ATP8A2: variants seen among roughly 807,000 people sequenced by gnomAD.
The protein encoded by ATP8A2 is ATPase phospholipid transporting 8A2.
Under a neutral mutation model 165.6 loss-of-function variants are expected in ATP8A2, and 100 were observed. That is an observed-to-expected ratio of 0.60 (90% CI 0.51 to 0.71). The LOEUF is 0.71. Ranked by LOEUF, ATP8A2 falls within the 30% of genes least tolerant of loss-of-function variation. The probability of loss-of-function intolerance (pLI) is 0.00; values close to 1 mark genes in which losing one functional copy is unlikely to be tolerated. For synonymous variants in ATP8A2, 543 were observed against 548.8 expected, an observed-to-expected ratio of 0.99 and a Z score of 0.15; for missense variants, 1,227 against 1,479.5, an observed-to-expected ratio of 0.83 and a Z score of 2.80.
At chr13:25,456,960 A>T (rs1184236131) in intron 1 of ATP8A2, among the ~76,000 whole-genome samples, 2 of 152,174 alleles carry the variant, frequency 1.3e-5, no homozygotes, top group East Asian at 3.8e-4. Context: ...CACTAACACT[A>T]ACGGCAGCTG....
intron 2 of ATP8A2, among the ~76,000 whole-genome samples, chr13:25,474,453 T>G (rs1455288644): frequency 6.6e-6 from 1 of 151,486 alleles, no homozygotes; most frequent in Non-Finnish European, 1.5e-5. Context: ...TCCCAGCTAC[T>G]CGGGAGGTTG....
intron 2 of ATP8A2, among the ~76,000 whole-genome samples, chr13:25,479,532 TCA>T (rs2036096528): frequency 1.3e-5 from 2 of 152,156 alleles, no homozygotes; most frequent in African/African-American, 4.8e-5. Flanking sequence ...TGGGTGTTTC[TCA>T]CGGAGGGGGA....
At chr13:25,866,097 T>C (rs1203290600) in intron 33 of ATP8A2, among the ~76,000 whole-genome samples, 1 of 152,172 alleles carries the variant, frequency 6.6e-6, no homozygotes, top group African/African-American at 2.4e-5. Context: ...AACTTGATCC[T>C]AGACCAGGTC....
chr13:25,719,976 C>T (rs2043339449), intron 25 of ATP8A2, among the ~76,000 whole-genome samples: 1 of 151,872 alleles, frequency 6.6e-6, no homozygotes, highest in African/African-American at 2.4e-5. Flanking sequence ...CAGGTTTCCT[C>T]ATGTAGCATC....
chr13:25,385,685 G>C (rs889157376), intron 1 of ATP8A2, among the ~76,000 whole-genome samples: 17 of 152,006 alleles, frequency 1.1e-4, no homozygotes, highest in African/African-American at 3.6e-4. Context: ...TCCCCCTGGT[G>C]GGCTTAAGTT....
chr13:25,541,780 A>C (rs549933600), intron 8 of ATP8A2, 139 bp from the exon 9 acceptor site: 7 of 834,602 alleles, frequency 8.4e-6, no homozygotes, highest in Non-Finnish European at 7.3e-6. Context: ...TGAGGGGCTG[A>C]CAGTTTGACT....
At chr13:25,745,360 G>C (rs567913264) in intron 25 of ATP8A2, among the ~76,000 whole-genome samples, 44 of 152,308 alleles carry the variant, frequency 2.9e-4, no homozygotes, top group African/African-American at 1.0e-3. Flanking sequence ...GCGTTATGCC[G>C]TGAGCGTTTG....
At chr13:25,726,060 C>T (rs1012340510) in intron 25 of ATP8A2, among the ~76,000 whole-genome samples, 4 of 152,058 alleles carry the variant, frequency 2.6e-5, no homozygotes, top group East Asian at 1.9e-4. Flanking sequence ...CAGAAGAAAA[C>T]GAAGGTGAAA....
chr13:25,759,223 G>T (rs2044328626), intron 25 of ATP8A2, among the ~76,000 whole-genome samples: 1 of 152,142 alleles, frequency 6.6e-6, no homozygotes. Flanking sequence ...GTTACAGTTT[G>T]GTGTAGATAT....
chr13:25,420,649 G>A lies in ATP8A2; in HGVS notation c.77-48328G>A, dbSNP rs939224438. On this transcript the variant is annotated intron_variant, in intron 1 of 36. Coordinates refer to ENST00000381655, the MANE Select transcript of ATP8A2 (RefSeq NM_016529.6). Reference sequence around the variant, plus strand: ...CTGATCTGTGCAGCAAAACATCATGGTACATGTTTACCTATGTAACAAGCC... The same window carrying A: ...CTGATCTGTGCAGCAAAACATCATGATACATGTTTACCTATGTAACAAGCC... Among the ~76,000 whole-genome samples, 6 of 152,278 alleles carry A rather than the reference G, an allele frequency of 3.9e-5. No homozygotes were observed. In the East Asian group the frequency reaches 1.2e-3, roughly 29 times the overall value.
intron 4 of ATP8A2, among the ~76,000 whole-genome samples, chr13:25,531,195 T>TTATATATGATATATGC (rs1566228738): frequency 2.8e-5 from 4 of 140,644 alleles, no homozygotes; most frequent in African/African-American, 1.1e-4. Flanking sequence ...GTTATATATG[T>TTATATATGATATATGC]TATATATGAT....
At chr13:25,829,462 T>C (rs921783898) in intron 28 of ATP8A2, among the ~76,000 whole-genome samples, 5 of 151,798 alleles carry the variant, frequency 3.3e-5, no homozygotes, top group African/African-American at 1.2e-4. Context: ...TTGCTAACTC[T>C]GTACCTCCTG....
In ATP8A2 at chr13:25,461,852, A is replaced by AAGAAGGAGGAGGAGG. The variant is rs142817448; in HGVS notation, c.77-7123_77-7122insAAGGAGGAGGAGGAG. Among the ~76,000 whole-genome samples, 45 of 147,814 alleles carry AAGAAGGAGGAGGAGG rather than the reference A, an allele frequency of 3.0e-4. No homozygotes were observed. In the Middle Eastern group the frequency reaches 0.021, roughly 68 times the overall value. ...GAGGAAGAAGAAGAAGGAGAAGAAG[A>AAGAAGGAGGAGGAGG]AGGAGGAGGAGGAGGAGGAGGAGGA... is the stretch of plus-strand genomic sequence containing the variant. On this transcript the variant is annotated intron_variant, in intron 1 of 36. Transcript: ENST00000381655.
intron 24 of ATP8A2, among the ~76,000 whole-genome samples, chr13:25,601,718 C>T (rs1487268319): frequency 6.6e-6 from 1 of 152,212 alleles, no homozygotes; most frequent in Non-Finnish European, 1.5e-5. Flanking sequence ...GATCCACCCA[C>T]CTTGGCCTCC....
intron 27 of ATP8A2, among the ~76,000 whole-genome samples, chr13:25,822,468 CCCATCTGATAAGAAAAACAGTTATAT>C (rs1951208290): frequency 6.6e-6 from 1 of 152,104 alleles, no homozygotes; most frequent in South Asian, 2.1e-4. Flanking sequence ...TATATTTTTA[CCCATCTGATAAGAAAAACAGTTATAT>C]CCATTTGTGT....
At chr13:25,468,810 ACAGGCGGCGGCGTCTC>A in intron 1 of ATP8A2, 151 bp from the exon 2 acceptor site, 1 of 982,808 alleles carries the variant, frequency 1.0e-6, no homozygotes, top group Non-Finnish European at 1.2e-6. Context: ...CTGCCGCGGC[ACAGGCGGCGGCGTCTC>A]CAGGGGGAGC....
At chr13:25,481,327 G>A (rs933902740) in intron 2 of ATP8A2, among the ~76,000 whole-genome samples, 11 of 152,160 alleles carry the variant, frequency 7.2e-5, no homozygotes, top group Non-Finnish European at 1.6e-4. Context: ...CTTGTAACTA[G>A]CGACTGTGTG....
intron 12 of ATP8A2, among the ~76,000 whole-genome samples, chr13:25,554,312 G>C (rs1018260081): frequency 2.0e-5 from 3 of 152,134 alleles, no homozygotes; most frequent in Non-Finnish European, 4.4e-5. Flanking sequence ...GATTGTAAGG[G>C]TGGAGATAAG....
Position 25,494,911 on chromosome 13 carries a change from C to T in ATP8A2, c.221+25790C>T, listed in dbSNP as rs1042846949. Among the ~76,000 whole-genome samples, 10 of 152,216 alleles carry T rather than the reference C, an allele frequency of 6.6e-5. No homozygotes were observed. In the East Asian group the frequency reaches 1.9e-3, roughly 29 times the overall value. Reference sequence around the variant, plus strand: ...ATGTCCTTCTAGTTCCCTAGAGGCCCTCTGCTGGCTAGCAGCCCTTGGGTG... The same window carrying T: ...ATGTCCTTCTAGTTCCCTAGAGGCCTTCTGCTGGCTAGCAGCCCTTGGGTG... On this transcript the variant is annotated intron_variant, in intron 2 of 36. Transcript: ENST00000381655.
Sources: allele counts gnomAD v4.1 joint callset (sites outside exome capture counted in the v4.1 genomes callset), GRCh38; gene constraint gnomAD v4.1.1; transcripts MANE v1.5; gene names NCBI Gene and HGNC (gene_info 2026-07-23, HGNC 2026-07-21).